ECE1: variants seen among roughly 807,000 people sequenced by gnomAD.
ECE1 encodes endothelin converting enzyme 1, also known as endothelin-converting enzyme 1.
ECE1 carries 35 observed loss-of-function variants against 98.6 expected under a neutral mutation model. The observed-to-expected ratio is 0.35, with a 90% CI of 0.27 to 0.47. The LOEUF is 0.47. ECE1 is among the 20% of genes least tolerant of loss of function. The probability of loss-of-function intolerance (pLI) is 1.00; values close to 1 mark genes in which losing one functional copy is unlikely to be tolerated. For synonymous variants in ECE1, 394 were observed against 407.1 expected (o/e 0.97, Z 0.39); for missense variants, 814 against 1,025.3 (o/e 0.79, Z 2.81).
Position 21,225,156 on chromosome 1 carries a change from G to T in ECE1, c.2040+94C>A, listed in dbSNP as rs1042252778. ...AAACGGAAGCTCGCACGGCTGCTGC[G>T]CCTGCCCTGGTTGTCCGTGATGATC... On this transcript the variant is annotated intron_variant, in intron 17 of 18. Transcript: ENST00000374893. The surrounding 1 kb of genome is among the most constrained non-coding windows in gnomAD (Gnocchi z 5.3). 2.6e-6 allele frequency: 4 copies of T among 1,511,774 alleles called. No homozygotes were observed. Among genetic ancestry groups the T allele is most frequent in the Non-Finnish European group, 2.7e-6 (3 of 1,106,606 alleles). The allele number at this position is 1,511,774 out of a possible 1,614,324, so 93.6% of individuals were successfully genotyped here.
intron 12 of ECE1, 124 bp from the exon 13 acceptor site, chr1:21,236,051 G>T (rs1413353697): frequency 3.3e-6 from 3 of 899,104 alleles, no homozygotes; most frequent in Non-Finnish European, 5.6e-6. Context: ...CCTGCCTTGG[G>T]CTTTCATGTC....
chr1:21,249,762 A>G (rs902762054), intron 8 of ECE1, among the ~76,000 whole-genome samples: 10 of 151,772 alleles, frequency 6.6e-5, no homozygotes, highest in Non-Finnish European at 1.3e-4. Context: ...CCAGCCACAG[A>G]TTGCTTTTTT....
chr1:21,314,735 A>G (rs987384866), intron 1 of ECE1, among the ~76,000 whole-genome samples: 85 of 152,374 alleles, frequency 5.6e-4, no homozygotes, highest in African/African-American at 1.9e-3. Context: ...TTCTTTGTCT[A>G]TTCAGTCAGT....
At chr1:21,246,161 A>AT (rs985198850) in intron 9 of ECE1, among the ~76,000 whole-genome samples, 5 of 152,124 alleles carry the variant, frequency 3.3e-5, no homozygotes, top group East Asian at 1.9e-4. Context: ...AATACGATAA[A>AT]TTTTTTTCCC....
intron 1 of ECE1, among the ~76,000 whole-genome samples, chr1:21,343,812 C>CT (rs1472689551): frequency 6.6e-6 from 1 of 152,124 alleles, no homozygotes; most frequent in Non-Finnish European, 1.5e-5. Flanking sequence ...GGACCTCTTT[C>CT]TTTTTTTGGT....
chr1:21,226,209 C>T (rs1054979286), intron 16 of ECE1, among the ~76,000 whole-genome samples: 2 of 152,162 alleles, frequency 1.3e-5, no homozygotes, highest in African/African-American at 4.8e-5. Flanking sequence ...CCCCTGACTG[C>T]AGTTGGACTG....
intron 1 of ECE1, among the ~76,000 whole-genome samples, chr1:21,333,738 G>A (rs952102592): frequency 6.6e-6 from 1 of 152,164 alleles, no homozygotes; most frequent in Admixed American, 6.5e-5. Context: ...GGAGGCTGAG[G>A]CAGGAGAATT....
At position 21,258,588 on chromosome 1, in the gene ECE1, G is replaced by C; in HGVS notation, c.762+105C>G. 6.7e-7 allele frequency: 1 copy of C among 1,488,674 alleles called. No homozygotes were observed. Among genetic ancestry groups the C allele is most frequent in the East Asian group, 2.3e-5 (1 of 43,436 alleles). 92.2% of individuals were successfully genotyped at this position (1,488,674 alleles called of 1,614,324 possible). A position where few individuals can be genotyped will look rare whatever the true frequency, so the allele number is the denominator to read the frequency against. ...CAGGCTCAGAAACTAGAAGACCGCC[G>C]TCCCACCCAGGGCAAGCCCCTCTCC... On this transcript the variant is annotated intron_variant, in intron 6 of 18. Coordinates refer to ENST00000374893, the MANE Select transcript of ECE1 (RefSeq NM_001397.3). The surrounding 1 kb of genome is among the most constrained non-coding windows in gnomAD (Gnocchi z 4.2).
intron 14 of ECE1, among the ~76,000 whole-genome samples, chr1:21,229,647 AC>A (rs2098179206): frequency 6.6e-6 from 1 of 152,184 alleles, no homozygotes; most frequent in Non-Finnish European, 1.5e-5. Flanking sequence ...CAAGTTTGAC[AC>A]CTTACCAATA....
chr1:21,308,923 C>T (rs3026841), intron 1 of ECE1, among the ~76,000 whole-genome samples: 22,589 of 152,218 alleles, frequency 0.15, 2,157 homozygotes, highest in Non-Finnish European at 0.21. Context: ...TCCCCATCTC[C>T]TGCAGCAGGC....
chr1:21,280,574 T>C lies in ECE1; in HGVS notation c.139-1242A>G, dbSNP rs549870053. Among the ~76,000 whole-genome samples, 8 of 152,300 alleles carry C rather than the reference T, an allele frequency of 5.3e-5. No homozygotes were observed. In the South Asian group the frequency reaches 1.7e-3, roughly 32 times the overall value. On this transcript the variant is annotated intron_variant, in intron 2 of 18. Transcript: ENST00000374893. ...AGGACTGGAGTGACATGATTAGATT[T>C]ACCCTTTGGGAAGGGCAGGGTGGAG...
chr1:21,224,219 C>T (rs146839137), intron 17 of ECE1, among the ~76,000 whole-genome samples: 93 of 152,184 alleles, frequency 6.1e-4, no homozygotes, highest in Non-Finnish European at 1.1e-3. Flanking sequence ...GAAGGCCTGC[C>T]GTGGCCAGCG....
At chr1:21,301,449 C>G (rs1638481795) in intron 1 of ECE1, among the ~76,000 whole-genome samples, 2 of 151,886 alleles carry the variant, frequency 1.3e-5, no homozygotes. Flanking sequence ...GAGCCGAGAT[C>G]ACGCCACTGC....
At chr1:21,303,492 TAGAG>T (rs1294734558) in intron 1 of ECE1, among the ~76,000 whole-genome samples, 1 of 152,210 alleles carries the variant, frequency 6.6e-6, no homozygotes, top group Non-Finnish European at 1.5e-5. Flanking sequence ...GACTTACTAA[TAGAG>T]AGCACTTAGG....
In ECE1 at chr1:21,260,734, C is replaced by T. The variant is rs888585734; in HGVS notation, c.494-342G>A. On this transcript the variant is annotated intron_variant, in intron 4 of 18. Transcript: ENST00000374893. The surrounding 1 kb of genome is among the most constrained non-coding windows in gnomAD (Gnocchi z 4.3). Reference sequence around the variant, plus strand: ...CTTCCCCTGTGGATAACGTGTGGTACGAACACCCCTGCCTGGTGCATGGGA... The same window carrying T: ...CTTCCCCTGTGGATAACGTGTGGTATGAACACCCCTGCCTGGTGCATGGGA... 1.3e-5 allele frequency among the ~76,000 whole-genome samples: 2 copies of T among 152,206 alleles called. No individual in the cohort carries two copies. Among genetic ancestry groups the T allele is most frequent in the East Asian group, 1.9e-4 (1 of 5,204 alleles).
intron 1 of ECE1, among the ~76,000 whole-genome samples, chr1:21,313,140 C>T (rs909531576): frequency 3.3e-5 from 5 of 152,162 alleles, no homozygotes; most frequent in African/African-American, 1.2e-4. Context: ...GACTCTGATG[C>T]CTCTGTGCTT....
intron 12 of ECE1, among the ~76,000 whole-genome samples, 173 bp downstream of exon 12, chr1:21,236,573 C>T (rs879725559): frequency 3.3e-5 from 5 of 152,218 alleles, no homozygotes; most frequent in South Asian, 4.1e-4. Context: ...CGCTTGAACC[C>T]GGGAGGCGGA....
Position 21,327,123 on chromosome 1 carries a change from T to C in ECE1, c.3+18253A>G, listed in dbSNP as rs974140173. On this transcript the variant is annotated intron_variant, in intron 1 of 18. Transcript: ENST00000415912. This position sits in a 1 kb window ranked among gnomAD's most constrained non-coding sequence, Gnocchi z 4.6. The stretch of plus-strand genomic sequence containing the variant: ...TCAAAGCACCCCACTCCCTTGAAGC[T>C]GCCAGACTCTGCAGGCAGCAGGGCA... 2.0e-5 allele frequency among the ~76,000 whole-genome samples: 3 copies of C among 152,264 alleles called. No homozygotes were observed. The highest frequency in any genetic ancestry group is 3.4e-3 in the Middle Eastern group (1 of 294).
At chr1:21,308,533 T>C (rs1252809089) in intron 1 of ECE1, among the ~76,000 whole-genome samples, 3 of 151,764 alleles carry the variant, frequency 2.0e-5, no homozygotes, top group Non-Finnish European at 4.4e-5. Flanking sequence ...CAGAAACCCT[T>C]TGGGATCAGA....
Sources: allele counts gnomAD v4.1 joint callset (sites outside exome capture counted in the v4.1 genomes callset), GRCh38; gene constraint gnomAD v4.1.1; non-coding constraint Gnocchi (gnomAD v3.1); transcripts MANE v1.5; gene names NCBI Gene and HGNC (gene_info 2026-07-23, HGNC 2026-07-21).